The following THSD4 variants were observed in gnomAD, a reference collection of about 807,000 sequenced individuals.
THSD4 encodes thrombospondin type-1 domain-containing protein 4.
THSD4 carries 69 observed loss-of-function variants against 119.0 expected under a neutral mutation model. The observed-to-expected ratio is 0.58, with a 90% CI of 0.48 to 0.71. The LOEUF (loss-of-function observed/expected upper bound fraction) is 0.71. THSD4 is among the 30% of genes least tolerant of loss of function. The pLI is 0.00. For missense variants in THSD4, 1,393 were observed against 1,391.1 expected (o/e 1.00, Z -0.02); for synonymous variants, 524 against 540.4 (o/e 0.97, Z 0.42).
At chr15:71,603,457 C>T (rs4307907) in intron 7 of THSD4, among the ~76,000 whole-genome samples, 1 of 152,198 alleles carries the variant, frequency 6.6e-6, no homozygotes, top group Non-Finnish European at 1.5e-5. Context: ...GGACCCTCCC[C>T]TTTATCTGCC....
chr15:71,154,987 GT>G, intron 3 of THSD4, 55 bp downstream of exon 3: 1 of 1,558,160 alleles, frequency 6.4e-7, no homozygotes, highest in Non-Finnish European at 8.8e-7. Flanking sequence ...TAGGGCCACT[GT>G]GGTCACTGCC....
chr15:71,265,300 A>T (rs2044450950), intron 6 of THSD4, among the ~76,000 whole-genome samples: 1 of 152,120 alleles, frequency 6.6e-6, no homozygotes, highest in Non-Finnish European at 1.5e-5. Context: ...CAGCCCACGG[A>T]GGCTGAGCTG....
At chr15:71,166,850 T>C (rs1472947693) in intron 3 of THSD4, among the ~76,000 whole-genome samples, 1 of 152,188 alleles carries the variant, frequency 6.6e-6, no homozygotes, top group Non-Finnish European at 1.5e-5. Context: ...GCAAAGTGTA[T>C]CACATCTTGG....
chr15:71,442,954 T>C (rs185386486), intron 7 of THSD4, among the ~76,000 whole-genome samples: 1 of 151,818 alleles, frequency 6.6e-6, no homozygotes, highest in East Asian at 2.0e-4. Context: ...CTAGACTGTT[T>C]ATGCATCGAA....
At chr15:71,774,983 A>G (rs1257515650) in intron 17 of THSD4, among the ~76,000 whole-genome samples, 1 of 151,994 alleles carries the variant, frequency 6.6e-6, no homozygotes, top group Non-Finnish European at 1.5e-5. Context: ...CATCTCTACT[A>G]AAAATACATA....
At chr15:71,711,096 C>A (rs201903912) in intron 8 of THSD4, among the ~76,000 whole-genome samples, 1 of 129,398 alleles carries the variant, frequency 7.7e-6, no homozygotes. Context: ...TATATATATA[C>A]ATATATATAT....
At chr15:71,463,980 A>G (rs2047462824) in intron 7 of THSD4, among the ~76,000 whole-genome samples, 1 of 152,122 alleles carries the variant, frequency 6.6e-6, no homozygotes, top group South Asian at 2.1e-4. Context: ...ACAAACCCCC[A>G]AACTCCCCCA....
chr15:71,648,279 A>G (rs8026249), intron 7 of THSD4, among the ~76,000 whole-genome samples: 44,436 of 152,008 alleles, frequency 0.29, 7,083 homozygotes, highest in East Asian at 0.64. Flanking sequence ...CAGCTGTCAC[A>G]TATATCCATG....
At chr15:71,389,445 A>G (rs1341397333) in intron 6 of THSD4, among the ~76,000 whole-genome samples, 1 of 147,148 alleles carries the variant, frequency 6.8e-6, no homozygotes, top group East Asian at 2.0e-4. Flanking sequence ...TCCATGTTGT[A>G]GCACGTGTCA....
chr15:71,645,169 A>G (rs932420553), intron 7 of THSD4, among the ~76,000 whole-genome samples: 10 of 152,130 alleles, frequency 6.6e-5, no homozygotes, highest in African/African-American at 2.2e-4. Context: ...CAGAGGAAAG[A>G]TGGTCTTGGG....
intron 8 of THSD4, among the ~76,000 whole-genome samples, chr15:71,693,366 A>T (rs189142983): frequency 6.6e-6 from 1 of 152,156 alleles, no homozygotes; most frequent in African/African-American, 2.4e-5. Flanking sequence ...AACAAAGCCA[A>T]CTGGGCTTGG....
intron 7 of THSD4, among the ~76,000 whole-genome samples, chr15:71,658,921 A>G (rs1159547889): frequency 6.6e-6 from 1 of 152,204 alleles, no homozygotes; most frequent in Non-Finnish European, 1.5e-5. Context: ...TGCCTGCAGA[A>G]AGGTTTCAAT....
At chr15:71,763,020 G>T (rs1216545482) in intron 15 of THSD4, among the ~76,000 whole-genome samples, 1 of 151,918 alleles carries the variant, frequency 6.6e-6, no homozygotes, top group Admixed American at 6.6e-5. Flanking sequence ...GCAGTGAGCC[G>T]AGATTGCACC....
chr15:71,295,646 TCTG>T (rs2044852431), intron 6 of THSD4, among the ~76,000 whole-genome samples: 1 of 151,874 alleles, frequency 6.6e-6, no homozygotes, highest in African/African-American at 2.4e-5. Context: ...GGTTCTCAAA[TCTG>T]CTGGAACGTC....
At chr15:71,737,117 T>C (rs1362840605) in intron 10 of THSD4, among the ~76,000 whole-genome samples, 1 of 152,262 alleles carries the variant, frequency 6.6e-6, no homozygotes, top group East Asian at 1.9e-4. Context: ...AACATTTGTG[T>C]CTGTTTGCTA....
chr15:71,448,393 G>A (rs1044954895), intron 7 of THSD4, among the ~76,000 whole-genome samples: 9 of 152,078 alleles, frequency 5.9e-5, no homozygotes, highest in Admixed American at 1.3e-4. Context: ...TAACATTTGG[G>A]GGCATTTCAT....
intron 7 of THSD4, among the ~76,000 whole-genome samples, chr15:71,527,616 T>C (rs2048542227): frequency 6.6e-6 from 1 of 152,068 alleles, no homozygotes; most frequent in South Asian, 2.1e-4. Flanking sequence ...CTTTAGTTAA[T>C]GTTTTTTCTT....
At position 71,263,331 on chromosome 15, in the gene THSD4, G is replaced by GTATGTATA. The variant is rs1555458977; in HGVS notation, c.1015+6619_1015+6620insGTATATAT. On this transcript the variant is annotated intron_variant, in intron 6 of 17. Transcript: ENST00000261862. ...TTTTATGGCTGCATAGTATTCCATG[G>GTATGTATA]TATATATATATATATACGACATTTT... is the stretch of plus-strand genomic sequence containing the variant. 1.3e-3 allele frequency among the ~76,000 whole-genome samples: 180 copies of GTATGTATA among 138,896 alleles called. 2 individuals carry two copies. Among genetic ancestry groups the GTATGTATA allele is most frequent in the African/African-American group, 4.7e-3 (176 of 37,488 alleles). The allele number at this position is 138,896 out of a possible 152,430, so 91.1% of individuals were successfully genotyped here.
chr15:71,288,340 T>G (rs1159995571), intron 6 of THSD4, among the ~76,000 whole-genome samples: 1 of 152,192 alleles, frequency 6.6e-6, no homozygotes, highest in Non-Finnish European at 1.5e-5. Context: ...ATTTGGCAAA[T>G]GTGAATAAAC....
Sources: gnomAD v4.1 joint callset for allele counts (sites outside exome capture counted in the v4.1 genomes callset) on GRCh38, gnomAD v4.1.1 for gene constraint, MANE v1.5 for transcripts, NCBI Gene and HGNC (gene_info 2026-07-23, HGNC 2026-07-21) for gene names.